The following ITGA9 variants were observed in gnomAD, a reference collection of about 807,000 sequenced individuals.
ITGA9 encodes the protein integrin subunit alpha 9.
Under a neutral mutation model 127.8 loss-of-function variants are expected in ITGA9, and 56 were observed. The observed-to-expected ratio is 0.44, with a 90% CI of 0.35 to 0.55. The LOEUF is 0.55. ITGA9 is among the 20% of genes least tolerant of loss of function. The pLI, the probability that ITGA9 is intolerant of heterozygous loss-of-function variation, is 0.00. For synonymous variants in ITGA9, 508 were observed against 514.5 expected, an observed-to-expected ratio of 0.99 and a Z score of 0.17; for missense variants, 1,196 against 1,347.1, an observed-to-expected ratio of 0.89 and a Z score of 1.76.
chr3:37,501,280 C>T (rs1373840992), intron 5 of ITGA9, among the ~76,000 whole-genome samples: 1 of 152,150 alleles, frequency 6.6e-6, no homozygotes, highest in East Asian at 1.9e-4. Context: ...CACAGCCTGC[C>T]TCCTAGCTCC....
At chr3:37,520,770 G>T (rs1377491835) in intron 11 of ITGA9, among the ~76,000 whole-genome samples, 1 of 152,188 alleles carries the variant, frequency 6.6e-6, no homozygotes, top group Non-Finnish European at 1.5e-5. Context: ...CTGCGGCAGG[G>T]ATGCTCTTCC....
chr3:37,620,651 T>A (rs1244011733), intron 15 of ITGA9, among the ~76,000 whole-genome samples: 1 of 152,164 alleles, frequency 6.6e-6, no homozygotes, highest in Non-Finnish European at 1.5e-5. Context: ...AAGTTGTCGC[T>A]TTGCCTGGTC....
At chr3:37,724,351 C>T (rs184250459) in intron 18 of ITGA9, among the ~76,000 whole-genome samples, 74 of 152,280 alleles carry the variant, frequency 4.9e-4, no homozygotes, top group African/African-American at 1.6e-3. Flanking sequence ...TTTTTATTTA[C>T]TCCACCAGGC....
At chr3:37,591,796 T>G (rs1405174026) in intron 15 of ITGA9, among the ~76,000 whole-genome samples, 1 of 152,240 alleles carries the variant, frequency 6.6e-6, no homozygotes, top group African/African-American at 2.4e-5. Flanking sequence ...CCAGCAGCAC[T>G]GGCCTTGAGG....
chr3:37,583,041 C>T (rs1699724684), intron 15 of ITGA9, among the ~76,000 whole-genome samples: 1 of 152,194 alleles, frequency 6.6e-6, no homozygotes, highest in African/African-American at 2.4e-5. Flanking sequence ...AAACTAGTGG[C>T]CCGCAGGCTG....
intron 14 of ITGA9, among the ~76,000 whole-genome samples, chr3:37,540,116 AC>A (rs1699250797): frequency 6.6e-6 from 1 of 152,076 alleles, no homozygotes; most frequent in Admixed American, 6.5e-5. Flanking sequence ...GTTCCTTTCC[AC>A]CCAGGTTTTC....
At chr3:37,663,170 G>A (rs1392617749) in intron 17 of ITGA9, among the ~76,000 whole-genome samples, 2 of 152,262 alleles carry the variant, frequency 1.3e-5, no homozygotes, top group East Asian at 3.9e-4. Context: ...CTATTAAGCA[G>A]GACTGAAAAT....
intron 23 of ITGA9, among the ~76,000 whole-genome samples, chr3:37,773,619 C>G (rs1202047400): frequency 6.6e-6 from 1 of 151,094 alleles, no homozygotes; most frequent in Non-Finnish European, 1.5e-5. Context: ...TAATAGGAAT[C>G]AGAACTATGA....
chr3:37,503,037 T>C, intron 5 of ITGA9, 141 bp from the exon 6 acceptor site: 1 of 828,926 alleles, frequency 1.2e-6, no homozygotes, highest in East Asian at 2.5e-5. Context: ...TCTGGTGAAA[T>C]CTGTTTTTGT....
intron 1 of ITGA9, among the ~76,000 whole-genome samples, chr3:37,458,135 C>G (rs1698280520): frequency 1.3e-5 from 2 of 152,212 alleles, no homozygotes; most frequent in African/African-American, 4.8e-5. Flanking sequence ...AAGTCAGATG[C>G]TTTCACAGGC....
chr3:37,643,751 G>T (rs1447939880), intron 16 of ITGA9, among the ~76,000 whole-genome samples: 1 of 152,140 alleles, frequency 6.6e-6, no homozygotes, highest in African/African-American at 2.4e-5. Flanking sequence ...AGGAAATCAA[G>T]TACAAGGCCC....
intron 15 of ITGA9, among the ~76,000 whole-genome samples, chr3:37,560,779 C>T (rs1395409671): frequency 6.6e-6 from 1 of 152,104 alleles, no homozygotes; most frequent in Non-Finnish European, 1.5e-5. Flanking sequence ...TAACATATAT[C>T]AGTTTGCTAG....
chr3:37,659,803 C>T (rs1700515370), intron 17 of ITGA9, among the ~76,000 whole-genome samples: 1 of 151,988 alleles, frequency 6.6e-6, no homozygotes, highest in South Asian at 2.1e-4. Flanking sequence ...CTAGTTTTTC[C>T]TCATCTTCAT....
chr3:37,556,853 G>A (rs1699436068), intron 15 of ITGA9, among the ~76,000 whole-genome samples: 1 of 152,188 alleles, frequency 6.6e-6, no homozygotes, highest in African/African-American at 2.4e-5. Flanking sequence ...TCAACAACGT[G>A]GGGCCAGGCT....
intron 11 of ITGA9, among the ~76,000 whole-genome samples, chr3:37,522,059 T>TC (rs1025349510): frequency 2.6e-5 from 4 of 151,454 alleles, no homozygotes; most frequent in Admixed American, 2.6e-4. Flanking sequence ...CTGTGAAAAC[T>TC]CCCCCCTCCT....
chr3:37,613,153 C>A (rs996837796), intron 15 of ITGA9, among the ~76,000 whole-genome samples: 1 of 150,854 alleles, frequency 6.6e-6, no homozygotes, highest in Non-Finnish European at 1.5e-5. Context: ...GTGATGTTCC[C>A]CTTCCTGTGT....
intron 23 of ITGA9, chr3:37,753,639 T>G (rs567798118): frequency 6.6e-6 from 1 of 152,356 alleles, no homozygotes; most frequent in South Asian, 2.1e-4. Flanking sequence ...GTACAGCAGA[T>G]AGATATTTTG....
chr3:37,460,542 A>G (rs1698305104), intron 1 of ITGA9, among the ~76,000 whole-genome samples: 1 of 151,672 alleles, frequency 6.6e-6, no homozygotes, highest in Non-Finnish European at 1.5e-5. Flanking sequence ...CTGTAACAAA[A>G]TATCTCATGT....
At chr3:37,769,453 T>C (rs2125546546) in intron 23 of ITGA9, among the ~76,000 whole-genome samples, 1 of 152,270 alleles carries the variant, frequency 6.6e-6, no homozygotes, top group African/African-American at 2.4e-5. Context: ...CACATTCTCC[T>C]ACTTCAAAGC....
Sources: allele counts gnomAD v4.1 joint callset (sites outside exome capture counted in the v4.1 genomes callset), GRCh38; gene constraint gnomAD v4.1.1; transcripts MANE v1.5; gene names NCBI Gene and HGNC (gene_info 2026-07-23, HGNC 2026-07-21).